PARVA: variants seen among roughly 807,000 people sequenced by gnomAD.
PARVA encodes the protein parvin alpha.
A neutral mutation model predicts 52.6 loss-of-function variants in PARVA; 25 were observed. That is an observed-to-expected ratio of 0.48 (90% CI 0.35 to 0.66). The LOEUF is 0.66. Ranked by LOEUF, PARVA falls within the 30% of genes least tolerant of loss-of-function variation. The probability of loss-of-function intolerance (pLI) is 0.01; values close to 1 mark genes in which losing one functional copy is unlikely to be tolerated. For synonymous variants in PARVA, 185 were observed against 179.1 expected, an observed-to-expected ratio of 1.03 and a Z score of -0.26; for missense variants, 373 against 450.9, an observed-to-expected ratio of 0.83 and a Z score of 1.56.
chr11:12,470,847 G>A (rs570001703), intron 1 of PARVA, among the ~76,000 whole-genome samples: 74 of 152,266 alleles, frequency 4.9e-4, no homozygotes, highest in Admixed American at 9.2e-4. Flanking sequence ...GAACATTCTC[G>A]CTGCACTGTG....
At chr11:12,444,521 T>C (rs1389917756) in intron 1 of PARVA, among the ~76,000 whole-genome samples, 1 of 152,148 alleles carries the variant, frequency 6.6e-6, no homozygotes, top group Non-Finnish European at 1.5e-5. Context: ...CAAAACTCGC[T>C]GCAGCCTGGA....
chr11:12,384,075 G>C (rs1259484176), intron 1 of PARVA, among the ~76,000 whole-genome samples: 2 of 152,136 alleles, frequency 1.3e-5, no homozygotes, highest in Non-Finnish European at 2.9e-5. Flanking sequence ...CTTCCAAGGA[G>C]GTCCCTTCTC....
chr11:12,454,858 TTAA>T (rs1364786140), intron 1 of PARVA, among the ~76,000 whole-genome samples: 1 of 152,200 alleles, frequency 6.6e-6, no homozygotes, highest in Non-Finnish European at 1.5e-5. Context: ...TGTAAAAAAA[TTAA>T]TAATTCCTTA....
At position 12,528,099 on chromosome 11, in the gene PARVA, C is replaced by G; in HGVS notation, c.*174C>G. 1 of 633,026 alleles carries G rather than the reference C, an allele frequency of 1.6e-6. No homozygotes were observed. The highest frequency in any genetic ancestry group is 1.8e-5 in the South Asian group (1 of 54,240). 39.2% of individuals were successfully genotyped at this position (633,026 alleles called of 1,614,324 possible). ...ATTAGGAAGGAAATCATCAATAACTCAGTGGGCTGACCCATCCCTCCCAGG... is the reference window on the plus strand; with the variant it reads ...ATTAGGAAGGAAATCATCAATAACTGAGTGGGCTGACCCATCCCTCCCAGG... On this transcript the variant is annotated 3_prime_UTR_variant, in exon 13 of 13. Coordinates refer to ENST00000334956, the MANE Select transcript of PARVA (RefSeq NM_018222.5).
intron 1 of PARVA, among the ~76,000 whole-genome samples, chr11:12,426,622 T>A (rs1282202963): frequency 1.3e-5 from 2 of 152,182 alleles, no homozygotes; most frequent in East Asian, 3.8e-4. Flanking sequence ...GATTTTAATA[T>A]GCTCATTTTC....
At chr11:12,377,247 T>C (rs1939403742), upstream of PARVA, 4 of 387,758 alleles carry the variant, frequency 1.0e-5, no homozygotes, top group Non-Finnish European at 1.8e-5. Context: ...CCCGGGAGAG[T>C]AGCAGGGTTG....
chr11:12,458,046 C>G (rs1225310030), intron 1 of PARVA, among the ~76,000 whole-genome samples: 7 of 152,148 alleles, frequency 4.6e-5, no homozygotes, highest in Admixed American at 4.6e-4. Context: ...GTGTGGCATA[C>G]AGTAGGTACT....
intron 1 of PARVA, among the ~76,000 whole-genome samples, chr11:12,428,256 T>C (rs10831816): frequency 0.41 from 63,007 of 151,974 alleles, 13,638 homozygotes; most frequent in African/African-American, 0.53. Context: ...AGTAATATGG[T>C]TTTTCTATAT....
chr11:12,511,421 C>T, intron 7 of PARVA, 93 bp from the exon 8 acceptor site: 2 of 1,381,904 alleles, frequency 1.4e-6, no homozygotes, highest in Non-Finnish European at 2.0e-6. Context: ...ATGGGGTGGG[C>T]TTCCAGCAGT....
chr11:12,511,399 G>A (rs1941500735), intron 7 of PARVA, 115 bp from the exon 8 acceptor site: 1 of 1,095,568 alleles, frequency 9.1e-7, no homozygotes. Flanking sequence ...GGGCAGGTGG[G>A]TGGCAGGCAG....
At chr11:12,512,474 T>G (rs772909356) in intron 8 of PARVA, among the ~76,000 whole-genome samples, 3 of 152,034 alleles carry the variant, frequency 2.0e-5, no homozygotes, top group Admixed American at 6.5e-5. Context: ...CAGGTTCACC[T>G]TGGAGACCCT....
intron 5 of PARVA, among the ~76,000 whole-genome samples, chr11:12,501,865 G>A (rs1941367221): frequency 2.0e-5 from 3 of 149,110 alleles, no homozygotes; most frequent in Admixed American, 1.3e-4. Flanking sequence ...TGGAGATGGT[G>A]TACAATGTCA....
At chr11:12,406,694 G>A (rs1479049835) in intron 1 of PARVA, among the ~76,000 whole-genome samples, 26 of 97,908 alleles carry the variant, frequency 2.7e-4, no homozygotes, top group Admixed American at 3.5e-4. Flanking sequence ...TTTTTGAGAC[G>A]GAGTCTTGCT....
intron 10 of PARVA, 113 bp downstream of exon 10, chr11:12,514,178 C>A: frequency 1.3e-6 from 1 of 772,428 alleles, no homozygotes; most frequent in South Asian, 1.5e-5. Flanking sequence ...GGGATGAGGG[C>A]ATGGGAATCT....
chr11:12,474,005 C>T (rs1326018219), intron 3 of PARVA, 22 bp downstream of exon 3: 1 of 1,550,100 alleles, frequency 6.5e-7, no homozygotes, highest in East Asian at 2.4e-5. Context: ...TCAGGAGCGG[C>T]TTCAGGTGCC....
intron 1 of PARVA, among the ~76,000 whole-genome samples, chr11:12,380,131 AT>A (rs1408106099): frequency 6.6e-5 from 10 of 152,178 alleles, no homozygotes; most frequent in Admixed American, 3.3e-4. Context: ...CACAGACATA[AT>A]TTTAAGGACT....
chr11:12,496,059 C>T (rs1385889237), intron 4 of PARVA, among the ~76,000 whole-genome samples: 1 of 152,196 alleles, frequency 6.6e-6, no homozygotes, highest in African/African-American at 2.4e-5. Context: ...TGGACCTGAC[C>T]AGACTGTACT....
chr11:12,411,609 G>A (rs1057172678), intron 1 of PARVA, among the ~76,000 whole-genome samples: 28 of 152,076 alleles, frequency 1.8e-4, no homozygotes, highest in Non-Finnish European at 3.4e-4. Flanking sequence ...CTTTTTAGGA[G>A]TACTGGTCAG....
chr11:12,508,598 C>T lies in PARVA; in HGVS notation c.672C>T (p.Ile224=), dbSNP rs369394562. ...CCCCATTTCAGAAACGAGAAGGAAT[C>T]CTCCAGTCTCGGCAAATCCAAGAGG... The part of the protein sequence containing the change: ...QVVVVQKREG[I]LQSRQIQEEI... Residue 224 remains isoleucine, a synonymous_variant, in exon 7 of 13, where the codon ATC becomes ATT. Transcript: ENST00000334956. The T allele has an allele frequency of 1.2e-6, 2 of 1,607,344 alleles. No homozygotes were observed. Among genetic ancestry groups the T allele is most frequent in the African/African-American group, 2.7e-5 (2 of 74,492 alleles).
Sources: allele counts gnomAD v4.1 joint callset (sites outside exome capture counted in the v4.1 genomes callset), GRCh38; gene constraint gnomAD v4.1.1; transcripts MANE v1.5; gene names NCBI Gene and HGNC (gene_info 2026-07-23, HGNC 2026-07-21).